Variants in POU2F1 observed in about 807,000 individuals in gnomAD.
The protein encoded by POU2F1 is POU class 2 homeobox 1.
In POU2F1, 16 loss-of-function variants were observed where a neutral mutation model predicts 84.9. The ratio of observed to expected loss-of-function variants is 0.19; its 90% CI spans 0.13 to 0.29. The LOEUF is 0.29. POU2F1 is among the 10% of genes least tolerant of loss of function. The pLI, the probability that POU2F1 is intolerant of heterozygous loss-of-function variation, is 1.00. For synonymous variants in POU2F1, 368 were observed against 368.3 expected, an observed-to-expected ratio of 1.00 and a Z score of 0.01; for missense variants, 738 against 942.6, an observed-to-expected ratio of 0.78 and a Z score of 2.84.
At chr1:167,285,635 A>C (rs1571229114) in intron 1 of POU2F1, among the ~76,000 whole-genome samples, 1 of 152,310 alleles carries the variant, frequency 6.6e-6, no homozygotes, top group East Asian at 1.9e-4. Flanking sequence ...TTATAGAATC[A>C]CAAAACCTTA....
At chr1:167,342,420 T>C (rs1407814) in intron 2 of POU2F1, among the ~76,000 whole-genome samples, 93,823 of 152,042 alleles carry the variant, frequency 0.62, 30,824 homozygotes, top group East Asian at 0.88. Context: ...ATTAATTCTT[T>C]GGGATTTACT....
chr1:167,225,076 G>A (rs113471244), intron 1 of POU2F1, among the ~76,000 whole-genome samples: 1 of 152,018 alleles, frequency 6.6e-6, no homozygotes, highest in Non-Finnish European at 1.5e-5. Context: ...GGATCCACCC[G>A]CCTCGGCTTT....
At chr1:167,414,322 G>A in intron 15 of POU2F1, 3 of 985,248 alleles carry the variant, frequency 3.0e-6, no homozygotes, top group Non-Finnish European at 3.6e-6. Flanking sequence ...AAGGCAAAAT[G>A]TCTTCCCTAG....
intron 7 of POU2F1, chr1:167,380,400 G>A (rs566555274): frequency 6.6e-6 from 1 of 152,216 alleles, no homozygotes; most frequent in African/African-American, 2.4e-5. Flanking sequence ...ATCATCCTCA[G>A]TCAACAAACG....
intron 1 of POU2F1, among the ~76,000 whole-genome samples, chr1:167,324,722 T>C (rs1025149022): frequency 3.3e-5 from 5 of 152,342 alleles, no homozygotes; most frequent in Non-Finnish European, 5.9e-5. Context: ...TAACTAGGCC[T>C]CAGTTTACTT....
rs755067431 is a variant in POU2F1, at chr1:167,398,012, C to T, written c.1148C>T (p.Ser383Leu). The change falls in exon 11 of 16, where the codon TCG becomes TTG. Residue 383 changes from serine to leucine, a missense_variant. Physicochemically the swap from Ser to Leu is moderately radical, Grantham distance 145. Transcript: ENST00000367866. ...CTTACAGAGAACCTCTCATCTGATT[C>T]GTCCCTCTCCAGCCCAAGTGCCCTG... ...LNDAENLSSD[S>L]SLSSPSALNS... The T allele has an allele frequency of 4.3e-6, 7 of 1,612,970 alleles. No homozygotes were observed. Among genetic ancestry groups the T allele is most frequent in the East Asian group, 4.5e-5 (2 of 44,864 alleles).
In POU2F1 at chr1:167,405,149, C is replaced by G. The variant is rs542094274; in HGVS notation, c.1555+3593C>G. Reference sequence around the variant, plus strand: ...GTCTCAAAAACTTGTAAAAATTCCACAGCCCTTAATAATCTCAACCAAACA... The same window carrying G: ...GTCTCAAAAACTTGTAAAAATTCCAGAGCCCTTAATAATCTCAACCAAACA... On this transcript the variant is annotated intron_variant, in intron 13 of 15. Coordinates refer to ENST00000367866, the MANE Select transcript of POU2F1 (RefSeq NM_002697.4). Among the ~76,000 whole-genome samples the G allele has an allele frequency of 3.3e-5, 5 of 152,270 alleles. No homozygotes were observed. In the East Asian group the frequency reaches 9.7e-4, roughly 29 times the overall value.
intron 8 of POU2F1, among the ~76,000 whole-genome samples, chr1:167,386,351 T>C (rs1157389107): frequency 6.6e-6 from 1 of 152,150 alleles, no homozygotes; most frequent in Admixed American, 6.5e-5. Flanking sequence ...TGCATCACCA[T>C]GCCCAGCTAT....
In POU2F1 at chr1:167,420,666, C is replaced by G. The variant is rs1028964058; in HGVS notation, c.*4856C>G. On this transcript the variant is annotated 3_prime_UTR_variant, in exon 16 of 16. Coordinates refer to ENST00000367866, the MANE Select transcript of POU2F1 (RefSeq NM_002697.4). ...AAAGCCTCTTGCTGTTGTTTCTTCC[C>G]AAGAAAGGAGAAGCCCTGCCAGGGA... The G allele has an allele frequency of 6.6e-6, 1 of 152,140 alleles. No individual in the cohort carries two copies. The highest frequency in any genetic ancestry group is 2.4e-5 in the African/African-American group (1 of 41,408). The allele number at this position is 152,140 out of a possible 1,614,324, so 9.4% of individuals were successfully genotyped here. A position where few individuals can be genotyped will look rare whatever the true frequency, so the allele number is the denominator to read the frequency against.
Position 167,238,556 on chromosome 1 carries a change from A to T in POU2F1, c.61+17598A>T, listed in dbSNP as rs537980151. Among the ~76,000 whole-genome samples the T allele has an allele frequency of 1.7e-3, 262 of 152,308 alleles. 3 individuals carry two copies. Among genetic ancestry groups the T allele is most frequent in the Admixed American group, 5.7e-3 (87 of 15,302 alleles). ...CCAACAAATTTCAGAATGCCCCTGT[A>T]TAGGCCAAATGCATCATACCAGAGC... On this transcript the variant is annotated intron_variant, in intron 1 of 15. Transcript: ENST00000367866.
Position 167,415,686 on chromosome 1 carries a change from C to G in POU2F1, c.2177C>G (p.Ser726Cys). ...VSAAAASAGN[S>C]APVASLHATS... ...GCCGCCGCAGCATCTGCAGGGAACTCTGCACCTGTAGCCAGCCTTCACGCC... is the reference window on the plus strand; with the variant it reads ...GCCGCCGCAGCATCTGCAGGGAACTGTGCACCTGTAGCCAGCCTTCACGCC... The change falls in exon 16 of 16, where the codon TCT becomes TGT. Residue 726 changes from serine (S) to cysteine (C), a missense_variant. Coordinates refer to ENST00000367866, the MANE Select transcript of POU2F1 (RefSeq NM_002697.4). The G allele has an allele frequency of 6.2e-7, 1 of 1,614,204 alleles. No homozygotes were observed. Among genetic ancestry groups the G allele is most frequent in the Non-Finnish European group, 8.5e-7 (1 of 1,180,026 alleles).
chr1:167,297,794 A>G (rs775778150), intron 1 of POU2F1, among the ~76,000 whole-genome samples: 49 of 152,192 alleles, frequency 3.2e-4, no homozygotes, highest in Non-Finnish European at 6.3e-4. Flanking sequence ...AGTGGCAGGA[A>G]GAAAATACTT....
chr1:167,284,386 G>C (rs1394835879), intron 1 of POU2F1, among the ~76,000 whole-genome samples: 2 of 152,096 alleles, frequency 1.3e-5, no homozygotes, highest in African/African-American at 4.8e-5. Flanking sequence ...ATCTCCTACT[G>C]TCCTGGTTTT....
At chr1:167,310,655 C>G (rs1017767955) in intron 1 of POU2F1, among the ~76,000 whole-genome samples, 1 of 152,046 alleles carries the variant, frequency 6.6e-6, no homozygotes, top group African/African-American at 2.4e-5. Context: ...AATCAATAGA[C>G]ATAATTACCA....
intron 1 of POU2F1, among the ~76,000 whole-genome samples, chr1:167,237,377 A>C (rs1649544059): frequency 6.6e-6 from 1 of 152,288 alleles, no homozygotes; most frequent in Non-Finnish European, 1.5e-5. Context: ...ATGAGGAAAG[A>C]GCTCAGAAAA....
chr1:167,272,389 TC>T (rs750429700), intron 1 of POU2F1, among the ~76,000 whole-genome samples: 4,684 of 143,700 alleles, frequency 0.033, 269 homozygotes, highest in African/African-American at 0.12. Context: ...CATTAGGATT[TC>T]AAAAAAAAAA....
chr1:167,233,320 T>G (rs1452937101), intron 1 of POU2F1, among the ~76,000 whole-genome samples: 1 of 150,718 alleles, frequency 6.6e-6, no homozygotes, highest in Admixed American at 6.6e-5. Context: ...TTTTTTTTTG[T>G]AGAGACGGGG....
chr1:167,343,478 C>A (rs2101761994), intron 2 of POU2F1, among the ~76,000 whole-genome samples: 1 of 151,844 alleles, frequency 6.6e-6, no homozygotes. Flanking sequence ...TTTTTCCTAA[C>A]AGATATTAAA....
At chr1:167,252,990 A>C (rs560697441) in intron 1 of POU2F1, among the ~76,000 whole-genome samples, 2 of 152,374 alleles carry the variant, frequency 1.3e-5, no homozygotes, top group African/African-American at 4.8e-5. Flanking sequence ...TCAGATTTAC[A>C]TAATCTAATT....
Sources: gnomAD v4.1 joint callset for allele counts (sites outside exome capture counted in the v4.1 genomes callset) on GRCh38, gnomAD v4.1.1 for gene constraint, MANE v1.5 for transcripts, NCBI Gene and HGNC (gene_info 2026-07-23, HGNC 2026-07-21) for gene names.